The following DPP10 variants were observed in gnomAD, a reference collection of about 807,000 sequenced individuals.
DPP10 encodes the protein dipeptidyl peptidase like 10, also known as inactive dipeptidyl peptidase 10.
DPP10 carries 33 observed loss-of-function variants against 120.9 expected under a neutral mutation model. The ratio of observed to expected loss-of-function variants is 0.27; its 90% CI spans 0.21 to 0.37. The LOEUF (loss-of-function observed/expected upper bound fraction) is 0.37, where lower values mean the gene tolerates loss of function less well. Among genes scored for constraint, DPP10 ranks in the 10% least tolerant of loss-of-function variants. The pLI is 1.00. For missense variants in DPP10, 816 were observed against 942.8 expected (o/e 0.87, Z 1.76); for synonymous variants, 337 against 326.1 (o/e 1.03, Z -0.36).
chr2:115,716,373 C>A (rs2149592227), intron 7 of DPP10, among the ~76,000 whole-genome samples: 1 of 152,276 alleles, frequency 6.6e-6, no homozygotes, highest in South Asian at 2.1e-4. Flanking sequence ...GTTATGTATA[C>A]ATCATAGGTA....
chr2:114,475,554 G>A (rs1479695428), intron 1 of DPP10, among the ~76,000 whole-genome samples: 1 of 150,414 alleles, frequency 6.6e-6, no homozygotes, highest in Admixed American at 6.6e-5. Context: ...TGGGATGATT[G>A]TTAAAAATGC....
intron 5 of DPP10, among the ~76,000 whole-genome samples, chr2:115,668,433 G>C (rs914253528): frequency 4.6e-5 from 7 of 152,130 alleles, no homozygotes; most frequent in Middle Eastern, 3.4e-3. Context: ...TTCCACAATG[G>C]AACAAACCCC....
intron 3 of DPP10, among the ~76,000 whole-genome samples, chr2:115,355,345 C>T (rs190832706): frequency 3.3e-4 from 50 of 151,942 alleles, no homozygotes; most frequent in African/African-American, 1.1e-3. Context: ...GTTTGTTGGC[C>T]GTGTACATGT....
intron 1 of DPP10, among the ~76,000 whole-genome samples, chr2:114,943,024 T>G (rs1454693479): frequency 1.3e-5 from 2 of 152,098 alleles, no homozygotes; most frequent in Admixed American, 6.5e-5. Flanking sequence ...ACATTGGATA[T>G]TTCTCCTAAT....
At chr2:115,477,119 T>TC (rs1381294524) in intron 3 of DPP10, among the ~76,000 whole-genome samples, 1 of 152,152 alleles carries the variant, frequency 6.6e-6, no homozygotes, top group Non-Finnish European at 1.5e-5. Context: ...GATAGGATGC[T>TC]CACTTTTGCC....
intron 1 of DPP10, among the ~76,000 whole-genome samples, chr2:115,046,678 CA>C (rs1013154353): frequency 2.0e-5 from 3 of 151,930 alleles, no homozygotes; most frequent in African/African-American, 7.2e-5. Context: ...ACGATGAAAC[CA>C]AAACATTCAA....
intron 1 of DPP10, among the ~76,000 whole-genome samples, chr2:114,498,355 A>G (rs1558815913): frequency 6.6e-6 from 1 of 152,120 alleles, no homozygotes; most frequent in Non-Finnish European, 1.5e-5. Context: ...GGTAACCATC[A>G]TTCTATTCTC....
At chr2:115,099,128 T>C (rs982169521) in intron 1 of DPP10, among the ~76,000 whole-genome samples, 1 of 54,746 alleles carries the variant, frequency 1.8e-5, no homozygotes, top group Non-Finnish European at 4.2e-5. Flanking sequence ...CTGCTAAAAA[T>C]ACAAAAAAAA....
intron 1 of DPP10, among the ~76,000 whole-genome samples, chr2:115,072,646 A>C (rs1707461573): frequency 6.6e-6 from 1 of 152,188 alleles, no homozygotes; most frequent in African/African-American, 2.4e-5. Flanking sequence ...ATGTGTAAAT[A>C]AGTTTAAGAG....
At chr2:115,237,059 T>C (rs1374615381) in intron 1 of DPP10, among the ~76,000 whole-genome samples, 1 of 152,204 alleles carries the variant, frequency 6.6e-6, no homozygotes, top group Non-Finnish European at 1.5e-5. Flanking sequence ...TCCAGGTTCC[T>C]ACTATGAAGC....
At chr2:114,692,288 G>T (rs1488309505) in intron 1 of DPP10, among the ~76,000 whole-genome samples, 3 of 151,902 alleles carry the variant, frequency 2.0e-5, no homozygotes, top group Non-Finnish European at 4.4e-5. Context: ...TTGTTTCTTT[G>T]TTCTCATTAG....
chr2:114,518,562 C>T (rs1269786720), intron 1 of DPP10, among the ~76,000 whole-genome samples: 1 of 152,110 alleles, frequency 6.6e-6, no homozygotes, highest in Non-Finnish European at 1.5e-5. Flanking sequence ...GACTAAAATT[C>T]GTTCCAGGAT....
Position 114,826,309 on chromosome 2 carries a change from C to T in DPP10, c.60+383471C>T, listed in dbSNP as rs182829122. On this transcript the variant is annotated intron_variant, in intron 1 of 25. Transcript: ENST00000410059. ...AACATGATGTTTCAGAGCTTTTAAT[C>T]GGCTTGTGAAATGTTAGAATTATTT... 9.0e-4 allele frequency among the ~76,000 whole-genome samples: 137 copies of T among 152,140 alleles called. 1 individual carries two copies. Among genetic ancestry groups the T allele is most frequent in the South Asian group, 5.8e-3 (28 of 4,822 alleles).
intron 1 of DPP10, among the ~76,000 whole-genome samples, chr2:114,860,390 A>G (rs1335843116): frequency 6.6e-6 from 1 of 152,218 alleles, no homozygotes; most frequent in African/African-American, 2.4e-5. Flanking sequence ...TCATTTTAAA[A>G]TAGGAGCATT....
chr2:115,431,166 G>A (rs1401802402), intron 3 of DPP10, among the ~76,000 whole-genome samples: 2 of 152,196 alleles, frequency 1.3e-5, no homozygotes, highest in African/African-American at 4.8e-5. Flanking sequence ...GGAATTCTGT[G>A]ATAAATATGA....
intron 19 of DPP10, among the ~76,000 whole-genome samples, chr2:115,799,750 C>G (rs974315468): frequency 6.6e-6 from 1 of 151,860 alleles, no homozygotes; most frequent in African/African-American, 2.4e-5. Context: ...CATGTCCCTA[C>G]AAAGGACATG....
chr2:115,188,061 A>AAGAGAGAGAGAG (rs59672278), intron 1 of DPP10, among the ~76,000 whole-genome samples: 1 of 146,980 alleles, frequency 6.8e-6, no homozygotes, highest in Non-Finnish European at 1.5e-5. Flanking sequence ...GAGAGAGGCA[A>AAGAGAGAGAGAG]AGAGAGAGAG....
At chr2:115,206,660 G>A (rs1023966241) in intron 1 of DPP10, among the ~76,000 whole-genome samples, 2 of 152,134 alleles carry the variant, frequency 1.3e-5, no homozygotes, top group African/African-American at 4.8e-5. Flanking sequence ...TGGGATTAGA[G>A]AAACATTTTT....
At chr2:115,447,851 G>A (rs1273397265) in intron 3 of DPP10, among the ~76,000 whole-genome samples, 7 of 152,198 alleles carry the variant, frequency 4.6e-5, no homozygotes, top group Non-Finnish European at 1.0e-4. Flanking sequence ...GTCAGTGAGG[G>A]TCAAGCATGT....
Sources: gnomAD v4.1 joint callset for allele counts (sites outside exome capture counted in the v4.1 genomes callset) on GRCh38, gnomAD v4.1.1 for gene constraint, MANE v1.5 for transcripts, NCBI Gene and HGNC (gene_info 2026-07-23, HGNC 2026-07-21) for gene names.